LRRC4C: variants seen among roughly 807,000 people sequenced by gnomAD.
LRRC4C encodes leucine-rich repeat-containing protein 4C.
LRRC4C carries 5 observed loss-of-function variants against 33.6 expected under a neutral mutation model. The ratio of observed to expected loss-of-function variants is 0.15; its 90% confidence interval spans 0.08 to 0.31. LRRC4C has a LOEUF of 0.31. LRRC4C is among the 10% of genes least tolerant of loss of function. The probability of loss-of-function intolerance (pLI) is 1.00; values close to 1 mark genes in which losing one functional copy is unlikely to be tolerated. For missense variants in LRRC4C, 560 were observed against 796.7 expected, an observed-to-expected ratio of 0.70 and a Z score of 3.58; for synonymous variants, 329 against 302.0, an observed-to-expected ratio of 1.09 and a Z score of -0.93.
intron 1 of LRRC4C, among the ~76,000 whole-genome samples, chr11:41,081,990 G>A (rs918386378): frequency 3.3e-5 from 5 of 152,074 alleles, no homozygotes; most frequent in African/African-American, 1.2e-4. Context: ...AATTTAAAAG[G>A]CACTTTCCAG....
intron 2 of LRRC4C, among the ~76,000 whole-genome samples, chr11:40,739,212 T>C (rs1371313982): frequency 6.6e-6 from 1 of 152,158 alleles, no homozygotes; most frequent in Middle Eastern, 3.4e-3. Context: ...CATCTCCTCA[T>C]TTATCCCAAA....
intron 1 of LRRC4C, among the ~76,000 whole-genome samples, chr11:41,098,412 C>T (rs947731735): frequency 6.6e-6 from 1 of 152,082 alleles, no homozygotes; most frequent in East Asian, 1.9e-4. Flanking sequence ...ACAAAAGATT[C>T]ATTAACCCCA....
intron 1 of LRRC4C, among the ~76,000 whole-genome samples, chr11:41,006,899 A>G (rs555878822): frequency 2.6e-4 from 40 of 152,130 alleles, no homozygotes; most frequent in Non-Finnish European, 3.1e-4. Context: ...CTTCTTAAAG[A>G]AATCCTCAAA....
At chr11:40,382,225 A>G (rs900847549) in intron 3 of LRRC4C, among the ~76,000 whole-genome samples, 2 of 145,200 alleles carry the variant, frequency 1.4e-5, no homozygotes, top group South Asian at 4.3e-4. Context: ...CTCCTGATAC[A>G]CCCGCCTGGG....
rs551897825 is a variant in LRRC4C, at chr11:40,439,825, G to A, written c.-269-120104C>T. ...TAAAAATGCAAAAACAAATTTGGAA[G>A]AAAAAGTAACATGACCCAGGCCCTA... is the stretch of plus-strand genomic sequence containing the variant. On this transcript the variant is annotated intron_variant, in intron 3 of 6. Coordinates refer to ENST00000528697, the MANE Select transcript of LRRC4C (RefSeq NM_001258419.2). Among the ~76,000 whole-genome samples the A allele has an allele frequency of 4.4e-4, 67 of 152,268 alleles. 1 individual carries two copies. The South Asian group carries it at 0.013, about 29-fold the overall frequency.
At chr11:40,757,398 T>G (rs1214394405) in intron 2 of LRRC4C, among the ~76,000 whole-genome samples, 4 of 152,074 alleles carry the variant, frequency 2.6e-5, no homozygotes, top group African/African-American at 9.7e-5. Flanking sequence ...TGGATGAATA[T>G]TCATGTTACT....
chr11:41,140,657 C>A (rs1264553908), intron 1 of LRRC4C, among the ~76,000 whole-genome samples: 1 of 152,194 alleles, frequency 6.6e-6, no homozygotes, highest in Admixed American at 6.5e-5. Context: ...TTCCCCACAT[C>A]GGGTTCTTCC....
At position 40,141,734 on chromosome 11, in the gene LRRC4C, G is replaced by A. The variant is rs1253739790; in HGVS notation, c.-95-881C>T. Among the ~76,000 whole-genome samples, 3 of 152,310 alleles carry A rather than the reference G, an allele frequency of 2.0e-5. No homozygotes were observed. The East Asian group carries it at 5.8e-4, about 29-fold the overall frequency. On this transcript the variant is annotated intron_variant, in intron 5 of 6. Transcript: ENST00000528697. ...TAAAATCTTCAAGGGACAAGGAGGA[G>A]TGAAGCACAGGGCTATGGCTGACTC...
At chr11:40,587,074 C>T (rs1430621194) in intron 3 of LRRC4C, among the ~76,000 whole-genome samples, 1 of 151,826 alleles carries the variant, frequency 6.6e-6, no homozygotes, top group East Asian at 1.9e-4. Flanking sequence ...GCAGTATGGC[C>T]ATTTTCATGA....
chr11:40,982,649 A>G (rs10837539), intron 1 of LRRC4C, among the ~76,000 whole-genome samples: 36,142 of 151,988 alleles, frequency 0.24, 4,757 homozygotes, highest in Middle Eastern at 0.32. Context: ...ATCTGACTGA[A>G]ATTTTCTTTT....
intron 5 of LRRC4C, among the ~76,000 whole-genome samples, chr11:40,155,922 C>A (rs1858650236): frequency 6.6e-6 from 1 of 152,092 alleles, no homozygotes; most frequent in Admixed American, 6.6e-5. Flanking sequence ...AGACTGATAT[C>A]TTTCATGAAT....
rs554898818 is a variant in LRRC4C at position 41,130,335 on chromosome 11, A to AT, written c.-495-196613dup. 1.4e-4 allele frequency among the ~76,000 whole-genome samples: 21 copies of AT among 152,014 alleles called. No homozygotes were observed. The South Asian group carries it at 3.9e-3, about 28-fold the overall frequency. ...TTTTTTATATTACTTGTCTTATTTT[A>AT]TCAAAAAAATCTTCACTATTCTTCT... On this transcript the variant is annotated intron_variant, in intron 1 of 6. Transcript: ENST00000528697.
chr11:40,642,556 A>G lies in LRRC4C; in HGVS notation c.-270+5586T>C, dbSNP rs1246256286. ...AGATGAAATATAACTTTTACCTTGT[A>G]TGTTATAGCTATGTTGATCTATTTT... On this transcript the variant is annotated intron_variant, in intron 3 of 6. Transcript: ENST00000528697. 3.3e-5 allele frequency among the ~76,000 whole-genome samples: 5 copies of G among 152,278 alleles called. No individual in the cohort carries two copies. In the East Asian group the frequency reaches 9.7e-4, roughly 29 times the overall value.
intron 2 of LRRC4C, among the ~76,000 whole-genome samples, chr11:40,829,376 A>G (rs1458297449): frequency 2.0e-5 from 3 of 152,042 alleles, no homozygotes; most frequent in African/African-American, 7.2e-5. Flanking sequence ...CAGCCCCTGG[A>G]ATTGCAGAGC....
At chr11:40,627,347 A>G (rs1963052767) in intron 3 of LRRC4C, among the ~76,000 whole-genome samples, 1 of 152,102 alleles carries the variant, frequency 6.6e-6, no homozygotes, top group Non-Finnish European at 1.5e-5. Context: ...GAATGTTGAA[A>G]CATCAATTAT....
intron 3 of LRRC4C, among the ~76,000 whole-genome samples, chr11:40,605,057 G>T (rs1960427648): frequency 6.6e-6 from 1 of 152,046 alleles, no homozygotes. Context: ...AGCAGCTGAA[G>T]TAAAAAATAA....
chr11:41,323,456 G>C (rs1442836395), intron 1 of LRRC4C, among the ~76,000 whole-genome samples: 1 of 152,212 alleles, frequency 6.6e-6, no homozygotes, highest in African/African-American at 2.4e-5. Context: ...ATCACACACT[G>C]CCTTACCACA....
intron 1 of LRRC4C, among the ~76,000 whole-genome samples, chr11:41,150,787 TAAATAAAATAAAATAAAATA>T (rs145554538): frequency 2.2e-4 from 32 of 148,658 alleles, no homozygotes; most frequent in African/African-American, 6.9e-4. Flanking sequence ...AATAAATAAA[TAAATAAAATAAAATAAAATA>T]AAATAAAATA....
At chr11:40,534,265 T>C (rs996040161) in intron 3 of LRRC4C, among the ~76,000 whole-genome samples, 2 of 152,256 alleles carry the variant, frequency 1.3e-5, no homozygotes, top group South Asian at 4.1e-4. Flanking sequence ...TTACTATAAT[T>C]ACCCAAATTA....
Sources: allele counts gnomAD v4.1 joint callset (sites outside exome capture counted in the v4.1 genomes callset), GRCh38; gene constraint gnomAD v4.1.1; transcripts MANE v1.5; gene names NCBI Gene and HGNC (gene_info 2026-07-23, HGNC 2026-07-21).